STXBP6: variants seen among roughly 807,000 people sequenced by gnomAD.
STXBP6 encodes syntaxin-binding protein 6.
In STXBP6, 21 loss-of-function variants were observed where a neutral mutation model predicts 26.9. That is an observed-to-expected ratio of 0.78 (90% CI 0.55 to 1.12). The LOEUF (loss-of-function observed/expected upper bound fraction) is 1.12. Ranked by LOEUF, STXBP6 falls within the 50% of genes most tolerant of loss-of-function variation. The pLI is 0.00. For missense variants in STXBP6, 232 were observed against 257.9 expected (o/e 0.90, Z 0.69); for synonymous variants, 97 against 92.6 (o/e 1.05, Z -0.27).
At chr14:25,016,479 A>G (rs1566564443) in intron 1 of STXBP6, among the ~76,000 whole-genome samples, 1 of 152,116 alleles carries the variant, frequency 6.6e-6, no homozygotes, top group East Asian at 1.9e-4. Context: ...TTCCCCACCC[A>G]AATCCTTTGT....
intron 4 of STXBP6, among the ~76,000 whole-genome samples, chr14:24,847,453 G>T (rs907047998): frequency 6.6e-6 from 1 of 152,106 alleles, no homozygotes; most frequent in Non-Finnish European, 1.5e-5. Context: ...ATGAAATTAT[G>T]ATGACAGTAG....
chr14:24,926,895 G>A (rs75072345), intron 2 of STXBP6, among the ~76,000 whole-genome samples: 2,288 of 152,140 alleles, frequency 0.015, 40 homozygotes, highest in African/African-American at 0.051. Flanking sequence ...ATTATACCTC[G>A]AGAAGAGTAG....
chr14:24,916,369 A>G (rs747588108), intron 2 of STXBP6, among the ~76,000 whole-genome samples: 1 of 152,146 alleles, frequency 6.6e-6, no homozygotes. Context: ...CACCTTTCTG[A>G]GTCATGATGT....
intron 1 of STXBP6, among the ~76,000 whole-genome samples, chr14:24,989,413 C>T (rs534743816): frequency 1.3e-3 from 191 of 152,258 alleles, no homozygotes; most frequent in Middle Eastern, 6.8e-3. Flanking sequence ...ATCAAGAAAT[C>T]GTCACAGCGA....
At chr14:24,951,650 T>C (rs890178652) in intron 2 of STXBP6, among the ~76,000 whole-genome samples, 4 of 152,182 alleles carry the variant, frequency 2.6e-5, no homozygotes, top group Non-Finnish European at 4.4e-5. Context: ...CTCTATTATA[T>C]TACATGGCTT....
intron 2 of STXBP6, among the ~76,000 whole-genome samples, chr14:24,857,814 C>T (rs2069392647): frequency 6.6e-6 from 1 of 151,918 alleles, no homozygotes; most frequent in Non-Finnish European, 1.5e-5. Context: ...GTGAGTTCTT[C>T]CCCTAAGCCT....
intron 2 of STXBP6, among the ~76,000 whole-genome samples, chr14:24,963,301 C>T (rs1224971615): frequency 6.6e-6 from 1 of 152,152 alleles, no homozygotes; most frequent in Non-Finnish European, 1.5e-5. Context: ...GCTAATGCTT[C>T]CTTTCAGGAA....
chr14:24,892,201 A>AT (rs35167994), intron 2 of STXBP6, among the ~76,000 whole-genome samples: 88 of 149,790 alleles, frequency 5.9e-4, no homozygotes, highest in African/African-American at 9.8e-4. Context: ...TGTATACATT[A>AT]TTTTTTTTTT....
intron 2 of STXBP6, among the ~76,000 whole-genome samples, chr14:24,913,765 T>A (rs1247031134): frequency 6.6e-6 from 1 of 152,188 alleles, no homozygotes; most frequent in Non-Finnish European, 1.5e-5. Flanking sequence ...CTTTATAGTC[T>A]TTGGAAAAAC....
chr14:24,993,568 T>C (rs2074527073), intron 1 of STXBP6, among the ~76,000 whole-genome samples: 1 of 152,206 alleles, frequency 6.6e-6, no homozygotes, highest in Admixed American at 6.5e-5. Flanking sequence ...TAGGTAGAGT[T>C]ACTTTTCTGA....
intron 2 of STXBP6, among the ~76,000 whole-genome samples, chr14:24,867,510 A>C (rs943457755): frequency 3.3e-5 from 5 of 152,210 alleles, no homozygotes; most frequent in Admixed American, 1.3e-4. Context: ...CATATGTGGA[A>C]AACTTGTTTT....
rs567274293 is a variant in STXBP6 at position 24,877,422 on chromosome 14, C to A, written c.155-20265G>T. Among the ~76,000 whole-genome samples, 3 of 152,264 alleles carry A rather than the reference C, an allele frequency of 2.0e-5. No individual in the cohort carries two copies. The East Asian group carries it at 5.8e-4, about 29-fold the overall frequency. ...TCCTCTTCCCCTGCCTTCCTGTATA[C>A]CTTTAGATAATTTCTTTACATGGAA... On this transcript the variant is annotated intron_variant, in intron 2 of 5. Coordinates refer to ENST00000323944, the MANE Select transcript of STXBP6 (RefSeq NM_001394410.1).
rs189248077 is a variant in STXBP6, at chr14:24,985,151, G to A, written c.-32-10301C>T. 2.3e-3 allele frequency among the ~76,000 whole-genome samples: 354 copies of A among 152,288 alleles called. 1 individual carries two copies. In the South Asian group the frequency reaches 0.027, roughly 11 times the overall value. ...TTGTGTGTGCATATCATGCTGGTTC[G>A]TTGGCAAAGGAGTTGCACAGCCTTA... On this transcript the variant is annotated intron_variant, in intron 1 of 5. Transcript: ENST00000323944.
At chr14:24,908,185 G>A (rs2071449258) in intron 2 of STXBP6, among the ~76,000 whole-genome samples, 1 of 152,158 alleles carries the variant, frequency 6.6e-6, no homozygotes, top group South Asian at 2.1e-4. Context: ...TGGGTACACT[G>A]AAGACCTAGA....
In STXBP6 at chr14:24,837,055, C is replaced by T. The variant is rs1053552386; in HGVS notation, c.452-17861G>A. 5.3e-5 allele frequency among the ~76,000 whole-genome samples: 8 copies of T among 152,226 alleles called. 2 individuals are homozygous for T. Among genetic ancestry groups the T allele is most frequent in the Admixed American group, 3.9e-4 (6 of 15,278 alleles). On this transcript the variant is annotated intron_variant, in intron 4 of 5. Coordinates refer to ENST00000323944, the MANE Select transcript of STXBP6 (RefSeq NM_001394410.1). ...ATACAGACATAATTATTAGAGGTTA[C>T]AGAGTATATATGGCATTGCAATTTT...
intron 1 of STXBP6, among the ~76,000 whole-genome samples, chr14:24,984,403 G>A (rs76855290): frequency 0.04 from 6,151 of 152,230 alleles, 203 homozygotes; most frequent in East Asian, 0.17. Context: ...CGTCTTCACA[G>A]CAGTGAGAGG....
At chr14:24,905,078 T>C (rs2071342222) in intron 2 of STXBP6, among the ~76,000 whole-genome samples, 1 of 152,206 alleles carries the variant, frequency 6.6e-6, no homozygotes, top group African/African-American at 2.4e-5. Context: ...CCTTTCCAAA[T>C]AGAAAATTCT....
At chr14:24,981,686 C>T (rs994624340) in intron 1 of STXBP6, among the ~76,000 whole-genome samples, 1 of 152,136 alleles carries the variant, frequency 6.6e-6, no homozygotes, top group African/African-American at 2.4e-5. Context: ...ACCTTTTGAG[C>T]CAGCAACTCT....
At chr14:24,950,585 T>C (rs995848217) in intron 2 of STXBP6, among the ~76,000 whole-genome samples, 15 of 152,154 alleles carry the variant, frequency 9.9e-5, no homozygotes, top group African/African-American at 3.4e-4. Context: ...GCACTAATAG[T>C]ACATATTCTA....
Sources: allele counts gnomAD v4.1 joint callset (sites outside exome capture counted in the v4.1 genomes callset), GRCh38; gene constraint gnomAD v4.1.1; transcripts MANE v1.5; gene names NCBI Gene and HGNC (gene_info 2026-07-23, HGNC 2026-07-21).